Variants in NPAT observed in about 807,000 individuals in gnomAD.
NPAT encodes protein NPAT.
In NPAT, 52 loss-of-function variants were observed where a neutral mutation model predicts 130.7. That is an observed-to-expected ratio of 0.40 (90% CI 0.32 to 0.50). The LOEUF (loss-of-function observed/expected upper bound fraction) is 0.50. Ranked by LOEUF, NPAT falls within the 20% of genes least tolerant of loss-of-function variation. The pLI, the probability that NPAT is intolerant of heterozygous loss-of-function variation, is 0.68. For synonymous variants in NPAT, 580 were observed against 584.8 expected (o/e 0.99, Z 0.12); for missense variants, 1,687 against 1,662.6 (o/e 1.01, Z -0.26).
At chr11:108,176,723 T>C (rs919531335) in intron 11 of NPAT, among the ~76,000 whole-genome samples, 1 of 152,218 alleles carries the variant, frequency 6.6e-6, no homozygotes, top group Non-Finnish European at 1.5e-5. Flanking sequence ...GTTTAACACA[T>C]TTGTATAGTG....
chr11:108,168,202 A>G (rs1439260642), intron 15 of NPAT, among the ~76,000 whole-genome samples: 2 of 152,156 alleles, frequency 1.3e-5, no homozygotes, highest in Non-Finnish European at 2.9e-5. Flanking sequence ...GATTTCTGGG[A>G]ATAAGCCCCC....
rs1474521333 is a variant in NPAT at position 108,172,714 on chromosome 11, G to GT, written c.2269dup (p.Thr757AsnfsTer6). 6.2e-7 allele frequency: 1 copy of GT among 1,613,588 alleles called. No homozygotes were observed. Among genetic ancestry groups the GT allele is most frequent in the Admixed American group, 1.7e-5 (1 of 60,022 alleles). On this transcript the variant is annotated frameshift_variant, in exon 13 of 18. Transcript: ENST00000278612. LOFTEE classifies it high-confidence loss of function. ...TCCATTAATACTAGAAACAGCACTG[G>GT]TAAGTTCAGTATCTGAGGAAACAAA...
At chr11:108,218,885 G>C (rs1241937141) in intron 1 of NPAT, among the ~76,000 whole-genome samples, 1 of 152,174 alleles carries the variant, frequency 6.6e-6, no homozygotes, top group Non-Finnish European at 1.5e-5. Context: ...AAAAGTTTTA[G>C]ACAGCAATGA....
intron 3 of NPAT, 36 bp from the exon 4 acceptor site, chr11:108,192,226 G>T: frequency 7.5e-7 from 1 of 1,340,904 alleles, no homozygotes; most frequent in Non-Finnish European, 1.1e-6. Context: ...AATAAACCCA[G>T]CTGAAGAAAT....
intron 1 of NPAT, among the ~76,000 whole-genome samples, chr11:108,211,285 T>G (rs1270574524): frequency 6.6e-6 from 1 of 152,076 alleles, no homozygotes; most frequent in Non-Finnish European, 1.5e-5. Context: ...CTCACGCCTG[T>G]AATCCCAGCA....
chr11:108,202,165 A>G (rs2078281258), intron 1 of NPAT, among the ~76,000 whole-genome samples: 1 of 152,188 alleles, frequency 6.6e-6, no homozygotes, highest in Admixed American at 6.5e-5. Context: ...CCATGCCACT[A>G]TCTGGAAAGA....
chr11:108,213,409 C>T (rs1352029679), intron 1 of NPAT, among the ~76,000 whole-genome samples: 2 of 152,140 alleles, frequency 1.3e-5, no homozygotes, highest in East Asian at 1.9e-4. Context: ...ATGCTAGTTA[C>T]AATAGCATCA....
intron 15 of NPAT, 130 bp from the exon 16 acceptor site, chr11:108,162,310 C>A: frequency 1.3e-6 from 1 of 748,646 alleles, no homozygotes; most frequent in Non-Finnish European, 2.2e-6. Flanking sequence ...AAATAGAACA[C>A]GTTGACAAAG....
chr11:108,197,153 T>C, intron 2 of NPAT, 149 bp downstream of exon 2: 3 of 636,762 alleles, frequency 4.7e-6, no homozygotes, highest in South Asian at 1.8e-5. Flanking sequence ...GAAAAGCTGG[T>C]CTTCTTTGGG....
rs1287195945 is a variant in NPAT, at chr11:108,172,503, A to G, written c.2481T>C (p.Thr827=). The change falls in exon 13 of 18, where the codon ACT becomes ACC. Residue 827 remains threonine (T), a synonymous_variant. Coordinates refer to ENST00000278612, the MANE Select transcript of NPAT (RefSeq NM_002519.3). ...AAAAAGCAATGCCATCTTCATTCTG[A>G]GTATTGTTTACTGCAGAGTCTTCAG... ...FKSEDSAVNN[T]QNEDGIAFSA... 1.2e-6 allele frequency: 2 copies of G among 1,614,108 alleles called. No individual in the cohort carries two copies. Among genetic ancestry groups the G allele is most frequent in the African/African-American group, 2.7e-5 (2 of 74,932 alleles).
At chr11:108,200,840 G>A (rs536413668) in intron 1 of NPAT, among the ~76,000 whole-genome samples, 1 of 152,114 alleles carries the variant, frequency 6.6e-6, no homozygotes, top group Non-Finnish European at 1.5e-5. Flanking sequence ...TCAAATACTT[G>A]AGGGAACTAA....
At chr11:108,172,104 T>C (rs747072423) in intron 13 of NPAT, 95 bp downstream of exon 13, 5 of 1,012,328 alleles carry the variant, frequency 4.9e-6, no homozygotes, top group Non-Finnish European at 7.9e-6. Context: ...TACCATCTAC[T>C]CATTAGTTAT....
chr11:108,217,354 A>C (rs932043699), intron 1 of NPAT, among the ~76,000 whole-genome samples: 5 of 152,146 alleles, frequency 3.3e-5, no homozygotes, highest in Admixed American at 6.6e-5. Flanking sequence ...TATAGCTTAC[A>C]TGTATTTCAA....
intron 12 of NPAT, 52 bp downstream of exon 12, chr11:108,176,194 G>T (rs900034229): frequency 7.6e-6 from 10 of 1,320,668 alleles, no homozygotes; most frequent in Non-Finnish European, 1.1e-5. Context: ...TTTGAATTTT[G>T]AGACTAATAT....
At chr11:108,212,705 G>A (rs2078395721) in intron 1 of NPAT, among the ~76,000 whole-genome samples, 1 of 151,898 alleles carries the variant, frequency 6.6e-6, no homozygotes, top group South Asian at 2.1e-4. Flanking sequence ...AGCACTCTGG[G>A]AGGCCAAGGC....
Position 108,170,033 on chromosome 11 carries a change from T to G in NPAT, c.2796A>C (p.Ile932=). The change falls in exon 14 of 18, where the codon ATA becomes ATC. Residue 932 remains isoleucine (I), a synonymous_variant. Coordinates refer to ENST00000278612, the MANE Select transcript of NPAT (RefSeq NM_002519.3). ...VSPNFSQGSA[I]IIASPVQPVL... Reference sequence around the variant, plus strand: ...CAGGCTGGACTGGAGAGGCAATTATTATGGCAGATCCTAAAAAAACAATTC... The same window carrying G: ...CAGGCTGGACTGGAGAGGCAATTATGATGGCAGATCCTAAAAAAACAATTC... 1 of 1,603,990 alleles carries G rather than the reference T, an allele frequency of 6.2e-7. No homozygotes were observed. The highest frequency in any genetic ancestry group is 1.1e-5 in the South Asian group (1 of 90,872).
intron 1 of NPAT, among the ~76,000 whole-genome samples, chr11:108,222,251 G>A (rs2078522989): frequency 6.6e-6 from 1 of 152,122 alleles, no homozygotes; most frequent in African/African-American, 2.4e-5. Flanking sequence ...TCCGCCCCAG[G>A]TGTTCCACCC....
Position 108,188,358 on chromosome 11 carries a change from T to C in NPAT, c.557-179A>G, listed in dbSNP as rs538703949. On this transcript the variant is annotated intron_variant, in intron 6 of 17. Coordinates refer to ENST00000278612, the MANE Select transcript of NPAT (RefSeq NM_002519.3). ...TAAGATTAATAAAATACAGTCTTTATGCCTTAAGGTTTTACAATAAAATCC... is the reference window on the plus strand; with the variant it reads ...TAAGATTAATAAAATACAGTCTTTACGCCTTAAGGTTTTACAATAAAATCC... 8.5e-5 allele frequency among the ~76,000 whole-genome samples: 13 copies of C among 152,346 alleles called. No homozygotes were observed. The South Asian group carries it at 2.7e-3, about 32-fold the overall frequency.
chr11:108,208,020 C>G (rs2078345898), intron 1 of NPAT, among the ~76,000 whole-genome samples: 1 of 152,226 alleles, frequency 6.6e-6, no homozygotes, highest in African/African-American at 2.4e-5. Context: ...TATGTTAATA[C>G]AGGTTGAGTA....
Sources: allele counts gnomAD v4.1 joint callset (sites outside exome capture counted in the v4.1 genomes callset), GRCh38; gene constraint gnomAD v4.1.1; transcripts MANE v1.5; gene names NCBI Gene and HGNC (gene_info 2026-07-23, HGNC 2026-07-21).